SLC7A11: variants seen among roughly 807,000 people sequenced by gnomAD.
SLC7A11 encodes the protein cystine/glutamate transporter.
SLC7A11 carries 35 observed loss-of-function variants against 54.5 expected under a neutral mutation model. The ratio of observed to expected loss-of-function variants is 0.64; its 90% CI spans 0.49 to 0.85. The LOEUF is 0.85. SLC7A11 is among the 40% of genes least tolerant of loss of function. SLC7A11 has a pLI of 0.00. For synonymous variants in SLC7A11, 230 were observed against 225.2 expected (o/e 1.02, Z -0.19); for missense variants, 583 against 618.1 (o/e 0.94, Z 0.60).
In SLC7A11 at chr4:138,165,998, A is replaced by T. The variant is rs1455050797; in HGVS notation, c.*5958T>A. 2 of 152,170 alleles carry T rather than the reference A, an allele frequency of 1.3e-5. No individual in the cohort carries two copies. The highest frequency in any genetic ancestry group is 2.9e-5 in the Non-Finnish European group (2 of 68,016). The allele number at this position is 152,170 out of a possible 1,614,324, so 9.4% of individuals were successfully genotyped here. A position where few individuals can be genotyped will look rare whatever the true frequency, so the allele number is the denominator to read the frequency against. On this transcript the variant is annotated 3_prime_UTR_variant, in exon 12 of 12. Transcript: ENST00000280612. ...TGGGGTAGTACTTGAAATAATTCAT[A>T]TACACAGTCATTTAACATAGATCGT...
At chr4:138,199,192 G>A (rs4458505) in intron 6 of SLC7A11, among the ~76,000 whole-genome samples, 92,998 of 151,614 alleles carry the variant, frequency 0.61, 28,999 homozygotes, top group Middle Eastern at 0.73. Context: ...GCACACGCAC[G>A]CACAAACTGT....
Position 138,172,153 on chromosome 4 carries a change from T to C in SLC7A11, c.1445-136A>G, listed in dbSNP as rs567005432. On this transcript the variant is annotated intron_variant, in intron 11 of 11. Coordinates refer to ENST00000280612, the MANE Select transcript of SLC7A11 (RefSeq NM_014331.4). ...TCATAGAGCACTTTCAAGAATTATT[T>C]ACTTCATTAGAATTCTATCATGCTC... 63 of 881,148 alleles carry C rather than the reference T, an allele frequency of 7.1e-5. No individual in the cohort carries two copies. The African/African-American group carries it at 1.0e-3, about 15-fold the overall frequency. The allele number at this position is 881,148 out of a possible 1,614,324, so 54.6% of individuals were successfully genotyped here.
chr4:138,168,016 A>G lies in SLC7A11; in HGVS notation c.*3940T>C, dbSNP rs1300418132. On this transcript the variant is annotated 3_prime_UTR_variant, in exon 12 of 12. Transcript: ENST00000280612. ...GTCACTTGTTATATATGGATATTTC[A>G]ATTAACTCATAAATTTTTAAAAACA... The G allele has an allele frequency of 6.6e-6, 1 of 152,192 alleles. No individual in the cohort carries two copies. The highest frequency in any genetic ancestry group is 1.5e-5 in the Non-Finnish European group (1 of 68,036). The allele number at this position is 152,192 out of a possible 1,614,324, so 9.4% of individuals were successfully genotyped here.
At chr4:138,185,500 A>G (rs1298018461) in intron 6 of SLC7A11, among the ~76,000 whole-genome samples, 1 of 152,140 alleles carries the variant, frequency 6.6e-6, no homozygotes, top group Non-Finnish European at 1.5e-5. Flanking sequence ...TATGTCATTC[A>G]TGTACTCCGT....
chr4:138,237,466 C>T (rs569010047), intron 1 of SLC7A11, among the ~76,000 whole-genome samples: 1 of 150,010 alleles, frequency 6.7e-6, no homozygotes, highest in South Asian at 2.1e-4. Flanking sequence ...ATGGCGCTGT[C>T]AGCTCATTGC....
At position 138,241,851 on chromosome 4, in the gene SLC7A11, C is replaced by T. The variant is rs201975214; in HGVS notation, c.219G>A (p.Thr73=). 2.5e-5 allele frequency: 40 copies of T among 1,614,126 alleles called. No individual in the cohort carries two copies. The African/African-American group carries it at 4.4e-4, about 18-fold the overall frequency. ...TGGTCAGAGACATGCCCACGCTGCC[C>T]GTGTTCTGGAGCACGCCCTTAGGAG... ...FISPKGVLQN[T]GSVGMSLTIW... is the part of the protein sequence containing the mutation. Residue 73 remains threonine, a synonymous_variant, in exon 1 of 12, where the codon ACG becomes ACA. Coordinates refer to ENST00000280612, the MANE Select transcript of SLC7A11 (RefSeq NM_014331.4).
intron 7 of SLC7A11, among the ~76,000 whole-genome samples, chr4:138,184,883 T>C (rs1736838286): frequency 6.6e-6 from 1 of 152,176 alleles, no homozygotes; most frequent in Non-Finnish European, 1.5e-5. Context: ...TTCAAGCATG[T>C]ATGTGTGAAA....
chr4:138,239,850 C>T (rs893553588), intron 1 of SLC7A11, among the ~76,000 whole-genome samples: 1 of 152,196 alleles, frequency 6.6e-6, no homozygotes, highest in African/African-American at 2.4e-5. Flanking sequence ...AAGCTGCATG[C>T]ACATAAGTAC....
At position 138,169,157 on chromosome 4, in the gene SLC7A11, A is replaced by G. The variant is rs1736344466; in HGVS notation, c.*2799T>C. 6.6e-6 allele frequency: 1 copy of G among 152,122 alleles called. No individual in the cohort carries two copies. Among genetic ancestry groups the G allele is most frequent in the South Asian group, 2.1e-4 (1 of 4,828 alleles). 9.4% of individuals were successfully genotyped at this position (152,122 alleles called of 1,614,324 possible). A position where few individuals can be genotyped will look rare whatever the true frequency, so the allele number is the denominator to read the frequency against. On this transcript the variant is annotated 3_prime_UTR_variant, in exon 12 of 12. Transcript: ENST00000280612. ...ATGGTACAAAGTACAAGTACAGAAC[A>G]TGTAGTAAGTAGTATGTGCATGTAT...
At chr4:138,197,291 A>G (rs1737161553) in intron 6 of SLC7A11, among the ~76,000 whole-genome samples, 2 of 152,246 alleles carry the variant, frequency 1.3e-5, no homozygotes, top group Admixed American at 1.3e-4. Context: ...TAATACTTCC[A>G]TTAACATTTT....
intron 3 of SLC7A11, among the ~76,000 whole-genome samples, chr4:138,228,534 G>A (rs1277295662): frequency 2.0e-5 from 3 of 151,800 alleles, no homozygotes; most frequent in African/African-American, 4.8e-5. Flanking sequence ...CGAGGCGGGC[G>A]GCTCATGAGG....
chr4:138,188,677 T>C (rs1473219727), intron 6 of SLC7A11, among the ~76,000 whole-genome samples: 1 of 152,152 alleles, frequency 6.6e-6, no homozygotes, highest in Non-Finnish European at 1.5e-5. Context: ...ATAGCATTAC[T>C]AGTAACCCAA....
Position 138,223,249 on chromosome 4 carries a change from A to G in SLC7A11, c.596T>C (p.Leu199Pro), listed in dbSNP as rs1002369743. Residue 199 changes from leucine to proline, a missense_variant, in exon 4 of 12, where the codon CTC becomes CCC. Leu to Pro is a moderately conservative substitution (Grantham distance 98). Transcript: ENST00000280612. ...RIQIFLTFCK[L>P]TAILIIIVPG... ...GACTATAATTATCAGAATTGCTGTG[A>G]GCTTGCAAAAGGTTAAGAAAATCTG... 1 of 1,613,648 alleles carries G rather than the reference A, an allele frequency of 6.2e-7. No individual in the cohort carries two copies. The highest frequency in any genetic ancestry group is 8.5e-7 in the Non-Finnish European group (1 of 1,179,554).
At chr4:138,229,980 A>T (rs1738035070) in intron 3 of SLC7A11, among the ~76,000 whole-genome samples, 1 of 152,168 alleles carries the variant, frequency 6.6e-6, no homozygotes, top group African/African-American at 2.4e-5. Context: ...TCAAGGGACA[A>T]GAAAATGGTG....
At chr4:138,186,926 G>A (rs1007469821) in intron 6 of SLC7A11, among the ~76,000 whole-genome samples, 1 of 152,128 alleles carries the variant, frequency 6.6e-6, no homozygotes, top group Non-Finnish European at 1.5e-5. Context: ...GAGAGGAAGA[G>A]AGGAAAAGAA....
At chr4:138,228,527 G>A (rs967265983) in intron 3 of SLC7A11, among the ~76,000 whole-genome samples, 2 of 151,968 alleles carry the variant, frequency 1.3e-5, no homozygotes, top group Non-Finnish European at 2.9e-5. Flanking sequence ...GCGAGGCCGA[G>A]GCGGGCGGCT....
chr4:138,214,614 A>G lies in SLC7A11; in HGVS notation c.762T>C (p.Phe254=), dbSNP rs146076038. Residue 254 remains phenylalanine, a synonymous_variant, in exon 6 of 12, where the codon TTT becomes TTC. Transcript: ENST00000280612. The part of the protein sequence containing the change: ...YAYAGWFYLN[F]VTEEVENPEK... Reference sequence around the variant, plus strand: ...CAGGGTTTTCTACTTCTTCAGTAACAAAGTTGAGGTAAAACCTAAAAATAG... The same window carrying G: ...CAGGGTTTTCTACTTCTTCAGTAACGAAGTTGAGGTAAAACCTAAAAATAG... The G allele has an allele frequency of 2.8e-6, 4 of 1,420,934 alleles. No homozygotes were observed. The highest frequency in any genetic ancestry group is 3.8e-6 in the Non-Finnish European group (4 of 1,044,444). 88.0% of individuals were successfully genotyped at this position (1,420,934 alleles called of 1,614,324 possible).
rs928036338 is a variant in SLC7A11 at position 138,165,018 on chromosome 4, C to T, written c.*6938G>A. 2 of 152,320 alleles carry T rather than the reference C, an allele frequency of 1.3e-5. No homozygotes were observed. The highest frequency in any genetic ancestry group is 1.3e-4 in the Admixed American group (2 of 15,276). The allele number at this position is 152,320 out of a possible 1,614,324, so 9.4% of individuals were successfully genotyped here. A position where few individuals can be genotyped will look rare whatever the true frequency, so the allele number is the denominator to read the frequency against. ...CTCCACTTGTTGCAAATTATAAATG[C>T]TTGTCACAGAATATGAAAAATATTT... On this transcript the variant is annotated 3_prime_UTR_variant, in exon 12 of 12. Coordinates refer to ENST00000280612, the MANE Select transcript of SLC7A11 (RefSeq NM_014331.4).
intron 1 of SLC7A11, among the ~76,000 whole-genome samples, chr4:138,240,183 C>G (rs957947656): frequency 6.6e-6 from 1 of 152,046 alleles, no homozygotes; most frequent in African/African-American, 2.4e-5. Flanking sequence ...ATACCACAAA[C>G]TCTCTCTAAA....
Sources: allele counts gnomAD v4.1 joint callset (sites outside exome capture counted in the v4.1 genomes callset), GRCh38; gene constraint gnomAD v4.1.1; transcripts MANE v1.5; gene names NCBI Gene and HGNC (gene_info 2026-07-23, HGNC 2026-07-21).